Variants in DCX observed in about 807,000 individuals in gnomAD.
The protein encoded by DCX is neuronal migration protein doublecortin.
DCX carries 4 observed loss-of-function variants against 20.9 expected under a neutral mutation model. The ratio of observed to expected loss-of-function variants is 0.19; its 90% confidence interval spans 0.09 to 0.44. The LOEUF is 0.44. Ranked by LOEUF, DCX falls within the 20% of genes least tolerant of loss-of-function variation. The pLI is 0.99. For synonymous variants in DCX, 103 were observed against 111.4 expected, an observed-to-expected ratio of 0.92 and a Z score of 0.47; for missense variants, 133 against 296.9, an observed-to-expected ratio of 0.45 and a Z score of 4.06.
At chrX:111,385,184 A>G (rs1272184403) in intron 3 of DCX, among the ~76,000 whole-genome samples, 1 of 112,321 alleles carries the variant, frequency 8.9e-6, no homozygotes, top group East Asian at 2.8e-4. Flanking sequence ...CATAAAATAA[A>G]TCTCTTTATA....
chrX:111,357,591 C>A (rs1278576100), intron 3 of DCX, among the ~76,000 whole-genome samples: 1 of 110,792 alleles, frequency 9.0e-6, no homozygotes, highest in African/African-American at 3.3e-5. Flanking sequence ...CCAGCCTGGG[C>A]AACATAGTGA....
chrX:111,325,821 T>C (rs565389724), intron 5 of DCX, among the ~76,000 whole-genome samples: 41 of 112,344 alleles, frequency 3.6e-4, no homozygotes, highest in Middle Eastern at 4.6e-3. Context: ...ATTTTGCCCA[T>C]TTTTTAACTT....
chrX:111,306,162 A>T (rs1289607028), intron 6 of DCX, among the ~76,000 whole-genome samples: 1 of 111,465 alleles, frequency 9.0e-6, no homozygotes. Flanking sequence ...TAAAAACATG[A>T]TCCAACTCAA....
At chrX:111,328,793 T>C (rs1011966122) in intron 5 of DCX, among the ~76,000 whole-genome samples, 7 of 111,299 alleles carry the variant, frequency 6.3e-5, no homozygotes, top group African/African-American at 1.6e-4. Flanking sequence ...ACAGCCATAT[T>C]GTAAGTGGAT....
chrX:111,379,511 T>G (rs1333427233), intron 3 of DCX, among the ~76,000 whole-genome samples: 1 of 112,109 alleles, frequency 8.9e-6, no homozygotes, highest in Middle Eastern at 4.2e-3. Flanking sequence ...TATCATAATG[T>G]TTTTATTGTT....
At chrX:111,335,524 A>G (rs1921637143) in intron 3 of DCX, among the ~76,000 whole-genome samples, 1 of 112,894 alleles carries the variant, frequency 8.9e-6, no homozygotes, top group Non-Finnish European at 1.9e-5. Context: ...ATTAGCATTT[A>G]GAGACTTTAA....
chrX:111,375,211 C>T (rs775733241), intron 3 of DCX, among the ~76,000 whole-genome samples: 1 of 107,867 alleles, frequency 9.3e-6, no homozygotes, highest in African/African-American at 3.4e-5. Flanking sequence ...CATAGACATA[C>T]AACTACATAA....
intron 3 of DCX, among the ~76,000 whole-genome samples, chrX:111,397,980 A>G (rs1014598914): frequency 5.4e-5 from 6 of 111,316 alleles, no homozygotes; most frequent in African/African-American, 1.6e-4. Flanking sequence ...AGAATGGCAC[A>G]CAATTTGCAG....
rs2095017316 is a variant in DCX, at chrX:111,295,115, G to A, written c.*6572C>T. On this transcript the variant is annotated 3_prime_UTR_variant, in exon 7 of 7. Coordinates refer to ENST00000636035, the MANE Select transcript of DCX (RefSeq NM_001195553.2). ...CAATATATTACAGGACCATACATTG[G>A]AGACATTTTGGCATAACCTCTTACT... 1 of 112,520 alleles carries A rather than the reference G, an allele frequency of 8.9e-6. No homozygotes were observed. The highest frequency in any genetic ancestry group is 9.4e-5 in the Admixed American group (1 of 10,629). 9.3% of individuals were successfully genotyped at this position (112,520 alleles called of 1,213,427 possible).
intron 3 of DCX, among the ~76,000 whole-genome samples, chrX:111,349,783 T>A (rs886271778): frequency 5.4e-5 from 6 of 111,779 alleles, no homozygotes; most frequent in Non-Finnish European, 1.1e-4. Context: ...TTCTCATGGG[T>A]ACATCAACCA....
chrX:111,382,941 C>T (rs573723212), intron 3 of DCX, among the ~76,000 whole-genome samples: 2 of 111,142 alleles, frequency 1.8e-5, no homozygotes, highest in African/African-American at 6.5e-5. Context: ...ATAGAAAATG[C>T]ACTTAACGCT....
At chrX:111,372,902 C>T (rs1374491428) in intron 3 of DCX, among the ~76,000 whole-genome samples, 1 of 111,309 alleles carries the variant, frequency 9.0e-6, no homozygotes, top group Non-Finnish European at 1.9e-5. Flanking sequence ...GAATATCAGA[C>T]TGCCAGGGTT....
intron 3 of DCX, among the ~76,000 whole-genome samples, chrX:111,390,942 C>T (rs1387617610): frequency 9.4e-6 from 1 of 106,453 alleles, no homozygotes; most frequent in East Asian, 3.0e-4. Flanking sequence ...GAGGATGAGG[C>T]TTGCAGTGAG....
chrX:111,388,493 G>T (rs1237026829), intron 3 of DCX, among the ~76,000 whole-genome samples: 1 of 112,053 alleles, frequency 8.9e-6, no homozygotes, highest in Non-Finnish European at 1.9e-5. Context: ...TTCCCAAAGT[G>T]CATTCTACCC....
intron 3 of DCX, among the ~76,000 whole-genome samples, chrX:111,346,942 T>C (rs1922874637): frequency 9.0e-6 from 1 of 111,560 alleles, no homozygotes; most frequent in Non-Finnish European, 1.9e-5. Context: ...CATATTACAG[T>C]AACAGAAGTC....
intron 6 of DCX, among the ~76,000 whole-genome samples, chrX:111,305,843 T>A (rs2095044299): frequency 9.0e-6 from 1 of 111,127 alleles, no homozygotes. Flanking sequence ...TTTTTATATA[T>A]AATTTAAATC....
rs1471988862 is a variant in DCX, at chrX:111,315,298, CATTT to C, written c.947-2566_947-2563del. On this transcript the variant is annotated intron_variant, in intron 5 of 6. Coordinates refer to ENST00000636035, the MANE Select transcript of DCX (RefSeq NM_001195553.2). The stretch of plus-strand genomic sequence containing the variant: ...TGAACAGACACTTCTCAAAAGAAGA[CATTT>C]ATGCAGCCAAAAAACACATGAAGAA... Among the ~76,000 whole-genome samples the C allele has an allele frequency of 8.2e-5, 6 of 72,772 alleles. No individual in the cohort carries two copies. In the Admixed American group the frequency reaches 8.4e-4, roughly 10 times the overall value. The allele number at this position is 72,772 out of a possible 115,157, so 63.2% of individuals were successfully genotyped here. A position where few individuals can be genotyped will look rare whatever the true frequency, so the allele number is the denominator to read the frequency against.
intron 3 of DCX, among the ~76,000 whole-genome samples, chrX:111,377,232 C>A (rs1217044278): frequency 9.0e-6 from 1 of 111,638 alleles, no homozygotes; most frequent in East Asian, 2.8e-4. Context: ...TCTCTCATTT[C>A]TATGGAAAGT....
chrX:111,364,284 T>C (rs1924437021), intron 3 of DCX, among the ~76,000 whole-genome samples: 1 of 111,726 alleles, frequency 9.0e-6, no homozygotes, highest in African/African-American at 3.3e-5. Flanking sequence ...AATACAAAAG[T>C]GAGCAAAGGA....
Sources: allele counts gnomAD v4.1 joint callset (sites outside exome capture counted in the v4.1 genomes callset), GRCh38; gene constraint gnomAD v4.1.1; transcripts MANE v1.5; gene names NCBI Gene and HGNC (gene_info 2026-07-23, HGNC 2026-07-21).